LRFN2: variants seen among roughly 807,000 people sequenced by gnomAD.
LRFN2 encodes leucine-rich repeat and fibronectin type-III domain-containing protein 2.
In LRFN2, 18 loss-of-function variants were observed where a neutral mutation model predicts 37.3. The ratio of observed to expected loss-of-function variants is 0.48; its 90% confidence interval spans 0.33 to 0.72. The LOEUF is 0.72. LRFN2 is among the 30% of genes least tolerant of loss of function. The pLI, the probability that LRFN2 is intolerant of heterozygous loss-of-function variation, is 0.02. For missense variants in LRFN2, 1,006 were observed against 1,060.7 expected (o/e 0.95, Z 0.72); for synonymous variants, 556 against 466.6 (o/e 1.19, Z -2.47).
At chr6:40,480,417 T>G (rs764986550) in intron 1 of LRFN2, among the ~76,000 whole-genome samples, 4 of 152,190 alleles carry the variant, frequency 2.6e-5, no homozygotes, top group Non-Finnish European at 5.9e-5. Flanking sequence ...CAGCTGGGAC[T>G]AAAAGCATGT....
intron 1 of LRFN2, among the ~76,000 whole-genome samples, chr6:40,583,399 T>C (rs545032469): frequency 6.6e-6 from 1 of 152,196 alleles, no homozygotes; most frequent in East Asian, 1.9e-4. Context: ...TTTCTGCAGG[T>C]TCTTAACACC....
intron 2 of LRFN2, among the ~76,000 whole-genome samples, chr6:40,408,443 A>T (rs575466013): frequency 2.0e-5 from 3 of 152,034 alleles, no homozygotes; most frequent in East Asian, 3.9e-4. Context: ...GCATTTGGGG[A>T]GGGGTAGAAA....
intron 1 of LRFN2, among the ~76,000 whole-genome samples, chr6:40,471,021 G>A (rs1463330799): frequency 6.6e-6 from 1 of 152,170 alleles, no homozygotes; most frequent in Non-Finnish European, 1.5e-5. Context: ...TTGGTACATC[G>A]GGGTGTGTCC....
chr6:40,463,399 CA>C (rs1158334867), intron 1 of LRFN2, among the ~76,000 whole-genome samples: 1 of 152,136 alleles, frequency 6.6e-6, no homozygotes, highest in Admixed American at 6.5e-5. Context: ...TTCAGTATTT[CA>C]TATCCTTTTT....
At chr6:40,581,624 A>G (rs968435933) in intron 1 of LRFN2, among the ~76,000 whole-genome samples, 2 of 152,200 alleles carry the variant, frequency 1.3e-5, no homozygotes, top group Non-Finnish European at 2.9e-5. Context: ...AATCAATTCT[A>G]CCCATCCAGA....
chr6:40,568,597 T>G (rs1255341395), intron 1 of LRFN2, among the ~76,000 whole-genome samples: 1 of 152,154 alleles, frequency 6.6e-6, no homozygotes, highest in Non-Finnish European at 1.5e-5. Context: ...AGTGCTAAAT[T>G]AAAGCCTACT....
intron 1 of LRFN2, among the ~76,000 whole-genome samples, chr6:40,458,596 T>C (rs949136281): frequency 6.6e-6 from 1 of 152,154 alleles, no homozygotes; most frequent in African/African-American, 2.4e-5. Context: ...CTTCCTTCCA[T>C]GCTAACAGAC....
chr6:40,537,406 A>T (rs1240303482), intron 1 of LRFN2, among the ~76,000 whole-genome samples: 1 of 152,184 alleles, frequency 6.6e-6, no homozygotes, highest in Non-Finnish European at 1.5e-5. Context: ...GTGTGCCCCC[A>T]CCAGTCACAA....
At chr6:40,577,960 GT>G (rs10711459) in intron 1 of LRFN2, among the ~76,000 whole-genome samples, 77,687 of 151,542 alleles carry the variant, frequency 0.51, 20,289 homozygotes, top group Middle Eastern at 0.6. Flanking sequence ...CACCAGGCCA[GT>G]CTGAATCAGA....
intron 1 of LRFN2, among the ~76,000 whole-genome samples, chr6:40,477,395 T>C (rs978435199): frequency 6.6e-6 from 1 of 152,198 alleles, no homozygotes; most frequent in African/African-American, 2.4e-5. Context: ...CTGCCTGCTT[T>C]CAACAAGGTT....
intron 1 of LRFN2, among the ~76,000 whole-genome samples, chr6:40,574,828 G>A (rs1767248109): frequency 6.6e-6 from 1 of 152,128 alleles, no homozygotes; most frequent in Non-Finnish European, 1.5e-5. Flanking sequence ...GCCAAGGATG[G>A]CTCCTTGGAG....
At chr6:40,540,104 G>T (rs971654350) in intron 1 of LRFN2, among the ~76,000 whole-genome samples, 1 of 152,166 alleles carries the variant, frequency 6.6e-6, no homozygotes, top group African/African-American at 2.4e-5. Context: ...GGTGTCTGAC[G>T]TGGGTGTCAA....
At chr6:40,553,371 G>A (rs1766813078) in intron 1 of LRFN2, among the ~76,000 whole-genome samples, 2 of 152,192 alleles carry the variant, frequency 1.3e-5, no homozygotes, top group South Asian at 4.1e-4. Flanking sequence ...TGGCGTGTAA[G>A]GGCTTAAAGC....
rs34460828 is a variant in LRFN2, at chr6:40,400,421, CT to C, written c.1401-7510del. Among the ~76,000 whole-genome samples, 240 of 128,630 alleles carry C rather than the reference CT, an allele frequency of 1.9e-3. 4 individuals are homozygous for C. The East Asian group carries it at 0.03, about 16-fold the overall frequency. 84.4% of individuals were successfully genotyped at this position (128,630 alleles called of 152,430 possible). Reference sequence around the variant, plus strand: ...ACATCTTTCTGGAGAGGTACTTTTCCTTTTTTTTTTTTTTTTTGAGATGGAG... The same window carrying C: ...ACATCTTTCTGGAGAGGTACTTTTCCTTTTTTTTTTTTTTTTGAGATGGAG... On this transcript the variant is annotated intron_variant, in intron 2 of 2. Transcript: ENST00000338305.
chr6:40,452,249 C>T (rs151001216), intron 1 of LRFN2, among the ~76,000 whole-genome samples: 1 of 152,324 alleles, frequency 6.6e-6, no homozygotes, highest in African/African-American at 2.4e-5. Context: ...CACCCTGCCT[C>T]ATGTCCATGG....
At chr6:40,583,202 A>ATATATACACTATATACATATATAG (rs61063165) in intron 1 of LRFN2, among the ~76,000 whole-genome samples, 74,754 of 143,244 alleles carry the variant, frequency 0.52, 20,007 homozygotes, top group African/African-American at 0.63. Context: ...ATATATAGAC[A>ATATATACACTATATACATATATAG]TATATATACA....
At chr6:40,463,736 G>T (rs1764398382) in intron 1 of LRFN2, among the ~76,000 whole-genome samples, 1 of 144,616 alleles carries the variant, frequency 6.9e-6, no homozygotes, top group Non-Finnish European at 1.5e-5. Context: ...GAGTGCAGTG[G>T]CACGATCACG....
intron 1 of LRFN2, among the ~76,000 whole-genome samples, chr6:40,532,017 G>T (rs897084669): frequency 2.6e-5 from 4 of 152,204 alleles, no homozygotes; most frequent in African/African-American, 9.6e-5. Context: ...CACAGTTCCT[G>T]CATATATGGA....
intron 2 of LRFN2, among the ~76,000 whole-genome samples, chr6:40,419,245 T>A (rs780872276): frequency 6.6e-5 from 10 of 152,224 alleles, no homozygotes; most frequent in Non-Finnish European, 1.5e-4. Context: ...CGCAGTTCAT[T>A]CCCTGCACCT....
Sources: gnomAD v4.1 joint callset for allele counts (sites outside exome capture counted in the v4.1 genomes callset) on GRCh38, gnomAD v4.1.1 for gene constraint, MANE v1.5 for transcripts, NCBI Gene and HGNC (gene_info 2026-07-23, HGNC 2026-07-21) for gene names.